TMEM247: variants seen among roughly 807,000 people sequenced by gnomAD.
The protein encoded by TMEM247 is transmembrane protein ENSP00000343375.
A neutral mutation model predicts 20.7 loss-of-function variants in TMEM247; 23 were observed. The observed-to-expected ratio is 1.11, with a 90% confidence interval of 0.80 to 1.57. The LOEUF (loss-of-function observed/expected upper bound fraction) is 1.57, where lower values mean the gene tolerates loss of function less well. TMEM247 is among the 40% of genes most tolerant of loss of function. The probability of loss-of-function intolerance (pLI) is 0.00; values close to 1 mark genes in which losing one functional copy is unlikely to be tolerated. For synonymous variants in TMEM247, 106 were observed against 111.9 expected, an observed-to-expected ratio of 0.95 and a Z score of 0.33; for missense variants, 354 against 283.8, an observed-to-expected ratio of 1.25 and a Z score of -1.78.
intron 1 of TMEM247, among the ~76,000 whole-genome samples, chr2:46,480,012 A>G (rs1375632929): frequency 2.0e-5 from 3 of 152,002 alleles, no homozygotes; most frequent in Non-Finnish European, 2.9e-5. Flanking sequence ...GGTTCTCTCA[A>G]TTCAGACCCT....
At chr2:46,483,614 G>C (rs929547941) in intron 2 of TMEM247, among the ~76,000 whole-genome samples, 8 of 152,238 alleles carry the variant, frequency 5.3e-5, no homozygotes, top group South Asian at 2.1e-4. Flanking sequence ...AGACCCACGT[G>C]TGTGGCTCCA....
exon 1 of TMEM247, chr2:46,479,611 T>G: frequency 6.4e-7 from 1 of 1,551,694 alleles, no homozygotes; most frequent in Non-Finnish European, 8.7e-7. Context: ...AGGGAGATGA[T>G]GGAAGCCCGG....
At chr2:46,480,875 G>A in intron 2 of TMEM247, 111 bp downstream of exon 2, 1 of 1,364,058 alleles carries the variant, frequency 7.3e-7, no homozygotes, top group Non-Finnish European at 9.7e-7. Context: ...CCACCCTGCA[G>A]ATCCTGGATC....
intron 1 of TMEM247, among the ~76,000 whole-genome samples, 194 bp downstream of exon 1, chr2:46,479,896 T>C (rs1345655869): frequency 1.3e-5 from 2 of 152,208 alleles, no homozygotes; most frequent in Non-Finnish European, 2.9e-5. Flanking sequence ...CATATGAAGC[T>C]GGGTTTGGTC....
At chr2:46,481,038 T>A (rs1442596092) in intron 2 of TMEM247, among the ~76,000 whole-genome samples, 1 of 152,126 alleles carries the variant, frequency 6.6e-6, no homozygotes, top group Non-Finnish European at 1.5e-5. Context: ...GAGATGTGAC[T>A]CTCTAAGGAG....
At chr2:46,482,731 G>A (rs189246532) in intron 2 of TMEM247, among the ~76,000 whole-genome samples, 12 of 152,184 alleles carry the variant, frequency 7.9e-5, no homozygotes, top group South Asian at 2.1e-4. Flanking sequence ...GCAGAGAACC[G>A]TCGGGTCAGC....
At chr2:46,480,269 A>G in intron 1 of TMEM247, 136 bp from the exon 2 acceptor site, 1 of 1,048,326 alleles carries the variant, frequency 9.5e-7, no homozygotes, top group East Asian at 2.6e-5. Context: ...CACTTCTAAT[A>G]AGAATTCAGC....
At chr2:46,483,154 A>C (rs779364264) in intron 2 of TMEM247, among the ~76,000 whole-genome samples, 1 of 152,230 alleles carries the variant, frequency 6.6e-6, no homozygotes, top group Non-Finnish European at 1.5e-5. Flanking sequence ...AAATATTTTA[A>C]AAAATAATGC....
chr2:46,480,979 C>G (rs1400763655), intron 2 of TMEM247, among the ~76,000 whole-genome samples: 1 of 152,160 alleles, frequency 6.6e-6, no homozygotes, highest in Admixed American at 6.5e-5. Context: ...CCTTAAAGCT[C>G]GCTACCCTAC....
At chr2:46,481,981 G>A (rs774755929) in intron 2 of TMEM247, among the ~76,000 whole-genome samples, 4 of 152,096 alleles carry the variant, frequency 2.6e-5, no homozygotes, top group African/African-American at 4.8e-5. Flanking sequence ...TCCAAAAAAC[G>A]GAGACGCACT....
At chr2:46,483,612 G>A (rs563073506) in intron 2 of TMEM247, among the ~76,000 whole-genome samples, 35 of 152,186 alleles carry the variant, frequency 2.3e-4, no homozygotes, top group Non-Finnish European at 3.5e-4. Flanking sequence ...GAAGACCCAC[G>A]TGTGTGGCTC....
Position 46,483,632 on chromosome 2 carries a change from G to A in TMEM247, c.478-612G>A, listed in dbSNP as rs565629905. Among the ~76,000 whole-genome samples, 31 of 152,296 alleles carry A rather than the reference G, an allele frequency of 2.0e-4. 1 individual carries two copies. Among genetic ancestry groups the A allele is most frequent in the African/African-American group, 6.3e-4 (26 of 41,558 alleles). ...CCCACGTGTGTGGCTCCAATGGGCC[G>A]TACAGACCATAAAGAGAAAGGAAGG... On this transcript the variant is annotated intron_variant, in intron 2 of 2. Transcript: ENST00000434431.
chr2:46,480,328 C>T lies in TMEM247; in HGVS notation c.118-77C>T, dbSNP rs549582359. The T allele has an allele frequency of 1.2e-5, 17 of 1,422,380 alleles. No individual in the cohort carries two copies. The South Asian group carries it at 1.9e-4, about 16-fold the overall frequency. The allele number at this position is 1,422,380 out of a possible 1,614,324, so 88.1% of individuals were successfully genotyped here. A position where few individuals can be genotyped will look rare whatever the true frequency, so the allele number is the denominator to read the frequency against. On this transcript the variant is annotated intron_variant, in intron 1 of 2. Transcript: ENST00000434431. The stretch of plus-strand genomic sequence containing the variant: ...CCCAGTCCACTGCGGCCTGGGGCTG[C>T]GGGAGTTCCATGGGGTCAGGGGCAG...
intron 2 of TMEM247, among the ~76,000 whole-genome samples, chr2:46,481,733 A>G (rs555005639): frequency 6.6e-6 from 1 of 152,242 alleles, no homozygotes; most frequent in Non-Finnish European, 1.5e-5. Flanking sequence ...ATGCAACAAC[A>G]TACATTTATC....
At chr2:46,482,057 G>GT (rs1334773111) in intron 2 of TMEM247, among the ~76,000 whole-genome samples, 3 of 152,182 alleles carry the variant, frequency 2.0e-5, no homozygotes, top group African/African-American at 7.2e-5. Context: ...GACTGGTCCA[G>GT]TTTTGTTTCT....
chr2:46,482,119 C>T (rs1439637847), intron 2 of TMEM247, among the ~76,000 whole-genome samples: 2 of 152,150 alleles, frequency 1.3e-5, no homozygotes, highest in Non-Finnish European at 2.9e-5. Context: ...TCAATGAGCA[C>T]GTGCTGGCTT....
intron 1 of TMEM247, among the ~76,000 whole-genome samples, chr2:46,480,037 C>T (rs184792153): frequency 3.3e-5 from 5 of 152,292 alleles, no homozygotes; most frequent in Non-Finnish European, 5.9e-5. Flanking sequence ...TTCTTTCTCC[C>T]TCTGTAACTT....
At chr2:46,480,526 A>C in exon 2 of TMEM247, 1 of 1,551,672 alleles carries the variant, frequency 6.4e-7, no homozygotes, top group Non-Finnish European at 8.7e-7. Context: ...CGTGCTACCA[A>C]AGGCCAGGCT....
At chr2:46,479,728 C>G in intron 1 of TMEM247, 26 bp downstream of exon 1, 1 of 1,472,568 alleles carries the variant, frequency 6.8e-7, no homozygotes, top group South Asian at 1.2e-5. Context: ...TGTCTCACCA[C>G]CCCCGCCTAT....
Sources: gnomAD v4.1 joint callset for allele counts (sites outside exome capture counted in the v4.1 genomes callset) on GRCh38, gnomAD v4.1.1 for gene constraint, MANE v1.5 for transcripts, NCBI Gene and HGNC (gene_info 2026-07-23, HGNC 2026-07-21) for gene names.